RIMS1: variants seen among roughly 807,000 people sequenced by gnomAD.
RIMS1 encodes regulating synaptic membrane exocytosis protein 1.
A neutral mutation model predicts 214.1 loss-of-function variants in RIMS1; 83 were observed. The ratio of observed to expected loss-of-function variants is 0.39; its 90% confidence interval spans 0.32 to 0.47. The LOEUF (loss-of-function observed/expected upper bound fraction) is 0.47. Among genes scored for constraint, RIMS1 ranks in the 20% least tolerant of loss-of-function variants. The pLI is 0.99. For synonymous variants in RIMS1, 793 were observed against 786.8 expected (o/e 1.01, Z -0.13); for missense variants, 2,050 against 2,161.8 (o/e 0.95, Z 1.03).
chr6:72,215,323 G>A (rs79705294), intron 6 of RIMS1, among the ~76,000 whole-genome samples: 10,554 of 152,146 alleles, frequency 0.069, 421 homozygotes, highest in Non-Finnish European at 0.094. Flanking sequence ...TAGGCCCCCC[G>A]CTGCACCTCC....
chr6:72,246,006 G>T (rs2069413618), intron 11 of RIMS1, 145 bp downstream of exon 11: 1 of 556,866 alleles, frequency 1.8e-6, no homozygotes, highest in Non-Finnish European at 3.1e-6. Context: ...GGCAATGATG[G>T]CAATAACTGG....
chr6:71,930,090 T>C (rs1297661708), intron 1 of RIMS1, among the ~76,000 whole-genome samples: 1 of 152,082 alleles, frequency 6.6e-6, no homozygotes, highest in Non-Finnish European at 1.5e-5. Flanking sequence ...CATGAAAATA[T>C]GTATGTGTAA....
At chr6:72,070,391 G>A (rs1830327086) in intron 2 of RIMS1, among the ~76,000 whole-genome samples, 1 of 152,032 alleles carries the variant, frequency 6.6e-6, no homozygotes. Flanking sequence ...GCCCTAAGGA[G>A]CTTATGGTCA....
chr6:72,260,835 T>A, intron 19 of RIMS1, 68 bp downstream of exon 19: 1 of 1,582,406 alleles, frequency 6.3e-7, no homozygotes, highest in South Asian at 1.1e-5. Context: ...TATTCTTCCG[T>A]CTCTCCCTTA....
intron 28 of RIMS1, among the ~76,000 whole-genome samples, chr6:72,326,084 CATT>C (rs2096452995): frequency 6.6e-6 from 1 of 151,780 alleles, no homozygotes; most frequent in South Asian, 2.1e-4. Context: ...TTGTAAACAT[CATT>C]GTGAACTTAT....
intron 29 of RIMS1, among the ~76,000 whole-genome samples, chr6:72,381,077 TAACATTCGAGAGGTCAAAAGCTCATG>T (rs973873908): frequency 6.6e-6 from 1 of 152,216 alleles, no homozygotes; most frequent in African/African-American, 2.4e-5. Flanking sequence ...TTTATTTTCT[TAACATTCGAGAGGTCAAAAGCTCATG>T]ATCGATGTGT....
intron 1 of RIMS1, among the ~76,000 whole-genome samples, chr6:71,929,375 T>C (rs1782426747): frequency 6.6e-6 from 1 of 152,182 alleles, no homozygotes; most frequent in African/African-American, 2.4e-5. Context: ...TTTTGTATTT[T>C]TAAAAACTCT....
intron 6 of RIMS1, among the ~76,000 whole-genome samples, chr6:72,191,341 C>T (rs1457081393): frequency 6.6e-6 from 1 of 152,234 alleles, no homozygotes; most frequent in African/African-American, 2.4e-5. Flanking sequence ...AAGCCCCACA[C>T]CACAGGACCC....
intron 1 of RIMS1, among the ~76,000 whole-genome samples, chr6:71,916,422 C>T (rs766198532): frequency 2.0e-5 from 3 of 152,118 alleles, no homozygotes; most frequent in East Asian, 1.9e-4. Context: ...TCCTACGAAG[C>T]GGTAATAAAA....
At chr6:71,896,291 C>T (rs1245519290) in intron 1 of RIMS1, among the ~76,000 whole-genome samples, 2 of 152,114 alleles carry the variant, frequency 1.3e-5, no homozygotes, top group African/African-American at 4.8e-5. Flanking sequence ...TGTCTGCATA[C>T]CCTAGGTCAA....
At chr6:72,217,144 A>G (rs1159841473) in intron 6 of RIMS1, 1 of 1,533,100 alleles carries the variant, frequency 6.5e-7, no homozygotes, top group African/African-American at 1.4e-5. Flanking sequence ...AAATTTAATG[A>G]TTTGATGCCA....
At position 72,174,072 on chromosome 6, in the gene RIMS1, T is replaced by C. The variant is rs140289911; in HGVS notation, c.472-5503T>C. 2.1e-4 allele frequency among the ~76,000 whole-genome samples: 32 copies of C among 152,348 alleles called. No individual in the cohort carries two copies. The East Asian group carries it at 6.2e-3, about 29-fold the overall frequency. ...AGTATCTGCCATCTAACCTAGATCT[T>C]CTCATGGGTTCTGCAGAGAAAATCA... On this transcript the variant is annotated intron_variant, in intron 4 of 33. Coordinates refer to ENST00000521978, the MANE Select transcript of RIMS1 (RefSeq NM_014989.7).
intron 23 of RIMS1, among the ~76,000 whole-genome samples, chr6:72,280,857 A>C (rs1444165309): frequency 6.6e-6 from 1 of 152,124 alleles, no homozygotes; most frequent in Non-Finnish European, 1.5e-5. Context: ...GCTAATTCCA[A>C]GTAATGCAAA....
At chr6:72,363,780 T>C (rs2097902069) in intron 29 of RIMS1, among the ~76,000 whole-genome samples, 2 of 152,234 alleles carry the variant, frequency 1.3e-5, no homozygotes, top group Admixed American at 6.5e-5. Context: ...TTTCCCTAAA[T>C]ACAGGCATTT....
intron 2 of RIMS1, among the ~76,000 whole-genome samples, chr6:72,001,680 A>T (rs1056483706): frequency 6.6e-6 from 1 of 152,150 alleles, no homozygotes; most frequent in Non-Finnish European, 1.5e-5. Flanking sequence ...GACTAATCTA[A>T]TACTGATTTT....
At chr6:72,216,574 G>A in intron 6 of RIMS1, 1 of 985,502 alleles carries the variant, frequency 1.0e-6, no homozygotes, top group South Asian at 4.7e-5. Context: ...CAGAGGAAAT[G>A]ATCTGTTACA....
At chr6:72,090,377 C>T (rs1835890527) in intron 2 of RIMS1, among the ~76,000 whole-genome samples, 1 of 152,084 alleles carries the variant, frequency 6.6e-6, no homozygotes, top group African/African-American at 2.4e-5. Context: ...CAATCCAAGA[C>T]CCCACAACCA....
chr6:71,972,961 G>C (rs1238495697), intron 2 of RIMS1, among the ~76,000 whole-genome samples: 1 of 152,194 alleles, frequency 6.6e-6, no homozygotes, highest in Admixed American at 6.5e-5. Context: ...TGCCACCCAG[G>C]CTGGAGTGCA....
intron 23 of RIMS1, among the ~76,000 whole-genome samples, chr6:72,279,454 G>A (rs1481104135): frequency 6.6e-6 from 1 of 151,906 alleles, no homozygotes; most frequent in African/African-American, 2.4e-5. Flanking sequence ...GAACTAGAAA[G>A]CATAAGGCCA....
Sources: allele counts gnomAD v4.1 joint callset (sites outside exome capture counted in the v4.1 genomes callset), GRCh38; gene constraint gnomAD v4.1.1; transcripts MANE v1.5; gene names NCBI Gene and HGNC (gene_info 2026-07-23, HGNC 2026-07-21).